The following DYNC1I1 variants were observed in gnomAD, a reference collection of about 807,000 sequenced individuals.
DYNC1I1 encodes dynein cytoplasmic 1 intermediate chain 1.
Under a neutral mutation model 86.6 loss-of-function variants are expected in DYNC1I1, and 43 were observed. That is an observed-to-expected ratio of 0.50 (90% confidence interval 0.39 to 0.64). The LOEUF (loss-of-function observed/expected upper bound fraction) is 0.64. DYNC1I1 is among the 30% of genes least tolerant of loss of function. The pLI is 0.00. For synonymous variants in DYNC1I1, 262 were observed against 283.7 expected (o/e 0.92, Z 0.77); for missense variants, 604 against 788.8 (o/e 0.77, Z 2.81).
In DYNC1I1 at chr7:95,837,941, C is replaced by T. The variant is rs533487474; in HGVS notation, c.374+9825C>T. 3.5e-4 allele frequency among the ~76,000 whole-genome samples: 53 copies of T among 152,090 alleles called. No individual in the cohort carries two copies. The East Asian group carries it at 8.8e-3, about 25-fold the overall frequency. Reference sequence around the variant, plus strand: ...AATCACCCGTCTTCTGCGTCGCTCACGCTGGGAACTGTAGACCAGAGCTGT... The same window carrying T: ...AATCACCCGTCTTCTGCGTCGCTCATGCTGGGAACTGTAGACCAGAGCTGT... On this transcript the variant is annotated intron_variant, in intron 5 of 16. Coordinates refer to ENST00000447467, the MANE Select transcript of DYNC1I1 (RefSeq NM_001135556.2).
At chr7:96,072,745 T>A (rs1562994420) in intron 14 of DYNC1I1, among the ~76,000 whole-genome samples, 1 of 152,230 alleles carries the variant, frequency 6.6e-6, no homozygotes, top group East Asian at 1.9e-4. Flanking sequence ...CTTTAGAATC[T>A]TTAGAACCTC....
chr7:95,941,008 C>T (rs1294105731), intron 6 of DYNC1I1, among the ~76,000 whole-genome samples: 1 of 152,120 alleles, frequency 6.6e-6, no homozygotes. Context: ...GTTAGTTTTC[C>T]TTCTAACAGA....
chr7:96,026,998 C>T (rs184746865), intron 10 of DYNC1I1, among the ~76,000 whole-genome samples: 8 of 152,330 alleles, frequency 5.3e-5, no homozygotes, highest in Admixed American at 2.6e-4. Context: ...CAAAGGGACA[C>T]GTGGGGATGA....
At position 95,810,406 on chromosome 7, in the gene DYNC1I1, G is replaced by A; in HGVS notation, c.123G>A (p.Gln41=). 6.2e-7 allele frequency: 1 copy of A among 1,609,432 alleles called. No individual in the cohort carries two copies. The change falls in exon 3 of 17, where the codon CAG becomes CAA. Residue 41 remains glutamine (Q), a synonymous_variant. Transcript: ENST00000447467. ...TCTACTTCTAGGCTGATATGCAGCA[G>A]AAGAAAGAACCCGTTCAGGACGACT... ...ERKKKEADMQ[Q]KKEPVQDDSD...
intron 16 of DYNC1I1, among the ~76,000 whole-genome samples, chr7:96,095,188 A>G (rs1281287571): frequency 6.6e-6 from 1 of 152,130 alleles, no homozygotes; most frequent in African/African-American, 2.4e-5. Flanking sequence ...AAGTTATGTA[A>G]TTTTTGAGAT....
At chr7:96,087,564 A>T (rs1584312320) in intron 16 of DYNC1I1, among the ~76,000 whole-genome samples, 2 of 152,322 alleles carry the variant, frequency 1.3e-5, no homozygotes, top group South Asian at 4.1e-4. Flanking sequence ...TATTTTCTTT[A>T]GCTGATACCA....
chr7:95,897,706 A>T (rs562534101), intron 6 of DYNC1I1, among the ~76,000 whole-genome samples: 2 of 150,456 alleles, frequency 1.3e-5, no homozygotes, highest in Middle Eastern at 6.8e-3. Flanking sequence ...TCATTTTTTT[A>T]AATGTGTTCC....
intron 6 of DYNC1I1, among the ~76,000 whole-genome samples, chr7:95,909,250 G>GC (rs1184346552): frequency 9.0e-6 from 1 of 110,884 alleles, no homozygotes; most frequent in African/African-American, 3.3e-5. Context: ...GGGTGGGGGG[G>GC]GGGGGCGGGG....
intron 1 of DYNC1I1, among the ~76,000 whole-genome samples, chr7:95,788,625 G>A (rs186558158): frequency 1.6e-3 from 249 of 152,272 alleles, no homozygotes; most frequent in African/African-American, 5.8e-3. Context: ...CACACACTGG[G>A]GAAAACCTGA....
intron 5 of DYNC1I1, 28 bp from the exon 6 acceptor site, chr7:95,869,855 C>CT (rs1183588488): frequency 2.5e-6 from 4 of 1,596,234 alleles, no homozygotes; most frequent in Non-Finnish European, 3.4e-6. Context: ...CCTCCCCTCT[C>CT]TAAGCATTTA....
chr7:95,867,601 C>T (rs1046961764), intron 5 of DYNC1I1, among the ~76,000 whole-genome samples: 3 of 152,290 alleles, frequency 2.0e-5, no homozygotes, highest in East Asian at 1.9e-4. Context: ...TGGTCCCAAA[C>T]GAGATAGGGC....
chr7:95,856,068 A>G (rs1484569837), intron 5 of DYNC1I1, among the ~76,000 whole-genome samples: 1 of 152,196 alleles, frequency 6.6e-6, no homozygotes, highest in Admixed American at 6.5e-5. Context: ...TTGTGATAAC[A>G]TTTAGCTTAA....
intron 15 of DYNC1I1, 152 bp downstream of exon 15, chr7:96,076,349 A>T (rs1790340010): frequency 2.5e-6 from 3 of 1,218,622 alleles, no homozygotes; most frequent in Non-Finnish European, 3.3e-6. Flanking sequence ...ACTACCCTGA[A>T]GGGAATTGGC....
At chr7:95,993,189 C>A (rs1040134659) in intron 9 of DYNC1I1, among the ~76,000 whole-genome samples, 8 of 152,042 alleles carry the variant, frequency 5.3e-5, no homozygotes, top group Non-Finnish European at 1.0e-4. Context: ...CTAGAGGGCA[C>A]CTTGAAATCC....
intron 5 of DYNC1I1, among the ~76,000 whole-genome samples, chr7:95,861,996 T>A (rs552254672): frequency 9.2e-5 from 14 of 152,294 alleles, no homozygotes; most frequent in Middle Eastern, 6.8e-3. Flanking sequence ...GGATATCCAC[T>A]GGCAAAAGAG....
chr7:95,880,699 A>T (rs1349767946), intron 6 of DYNC1I1, among the ~76,000 whole-genome samples: 2 of 139,918 alleles, frequency 1.4e-5, no homozygotes, highest in Non-Finnish European at 3.0e-5. Flanking sequence ...AGGCTGGAGT[A>T]CAGTGACGTG....
At chr7:95,810,266 G>A (rs1794797493) in intron 2 of DYNC1I1, 126 bp from the exon 3 acceptor site, 1 of 581,146 alleles carries the variant, frequency 1.7e-6, no homozygotes, top group Non-Finnish European at 2.8e-6. Context: ...CTTTATACAT[G>A]TGATTATATC....
At chr7:96,094,173 T>C (rs1790929677) in intron 16 of DYNC1I1, among the ~76,000 whole-genome samples, 1 of 152,188 alleles carries the variant, frequency 6.6e-6, no homozygotes, top group South Asian at 2.1e-4. Context: ...TATTCCAAAA[T>C]GATTCACTAC....
chr7:95,775,747 A>G (rs781035951), intron 1 of DYNC1I1, among the ~76,000 whole-genome samples: 2 of 152,158 alleles, frequency 1.3e-5, no homozygotes, highest in Non-Finnish European at 2.9e-5. Context: ...AATAGTTGCT[A>G]CCTTAATCAG....
Sources: gnomAD v4.1 joint callset for allele counts (sites outside exome capture counted in the v4.1 genomes callset) on GRCh38, gnomAD v4.1.1 for gene constraint, MANE v1.5 for transcripts, NCBI Gene and HGNC (gene_info 2026-07-23, HGNC 2026-07-21) for gene names.